TF: variants seen among roughly 807,000 people sequenced by gnomAD.
The protein encoded by TF is serotransferrin.
TF carries 55 observed loss-of-function variants against 82.4 expected under a neutral mutation model. The observed-to-expected ratio is 0.67, with a 90% confidence interval of 0.54 to 0.84. The LOEUF (loss-of-function observed/expected upper bound fraction) is 0.84. Ranked by LOEUF, TF falls within the 40% of genes least tolerant of loss-of-function variation. The pLI is 0.00. For synonymous variants in TF, 332 were observed against 332.6 expected, an observed-to-expected ratio of 1.00 and a Z score of 0.02; for missense variants, 737 against 868.4, an observed-to-expected ratio of 0.85 and a Z score of 1.90.
In TF at chr3:133,754,414, C is replaced by A. The variant is rs41298983; in HGVS notation, c.326-81C>A. On this transcript the variant is annotated intron_variant, in intron 3 of 16. Transcript: ENST00000402696. ...AAAGCATGGCCTCTCCGCTCCCCTC[C>A]CTCCTCAAGAGTCCGGTGGTGATGA... The A allele has an allele frequency of 3.5e-3, 5,135 of 1,452,372 alleles. 271 individuals carry two copies. In the Admixed American group the frequency reaches 0.082, roughly 23 times the overall value. 90.0% of individuals were successfully genotyped at this position (1,452,372 alleles called of 1,614,324 possible). A position where few individuals can be genotyped will look rare whatever the true frequency, so the allele number is the denominator to read the frequency against.
chr3:133,719,045 C>T, the TF span, among the ~76,000 whole-genome samples: 3 of 152,140 alleles, frequency 2.0e-5, no homozygotes, highest in East Asian at 5.8e-4. Flanking sequence ...ACCTAAGTGT[C>T]ATAACACTGA....
At chr3:133,775,093 A>AT (rs1934353159) in intron 14 of TF, 1 of 378,724 alleles carries the variant, frequency 2.6e-6, no homozygotes, top group African/African-American at 2.1e-5. Context: ...AGAGCGTCAC[A>AT]TTCTTCCTCT....
chr3:133,739,854 G>A, the TF span, among the ~76,000 whole-genome samples: 1 of 152,208 alleles, frequency 6.6e-6, no homozygotes, highest in East Asian at 1.9e-4. Context: ...AGAGGATGTG[G>A]AGAAATAGGA....
the TF span, among the ~76,000 whole-genome samples, chr3:133,734,807 A>G: frequency 6.6e-5 from 10 of 152,002 alleles, no homozygotes; most frequent in Admixed American, 1.3e-4. Context: ...GTTTCTTAAA[A>G]AAAAAAAAAA....
rs1055574395 is a variant in TF, at chr3:133,775,653, T to C, written c.1872+36T>C. ...GCCAGGTCCTCCCACCTTTTCTTCC[T>C]AGATGGCCATAGGCTATTCGGGGGG... On this transcript the variant is annotated intron_variant, in intron 15 of 16. Coordinates refer to ENST00000402696, the MANE Select transcript of TF (RefSeq NM_001063.4). 4 of 1,606,900 alleles carry C rather than the reference T, an allele frequency of 2.5e-6. No individual in the cohort carries two copies. The African/African-American group carries it at 4.0e-5, about 16-fold the overall frequency.
chr3:133,756,305 A>C lies in TF; in HGVS notation c.659A>C (p.Asp220Ala), dbSNP rs759490486. 5 of 1,613,920 alleles carry C rather than the reference A, an allele frequency of 3.1e-6. No individual in the cohort carries two copies. Among genetic ancestry groups the C allele is most frequent in the Non-Finnish European group, 3.4e-6 (4 of 1,180,032 alleles). The change falls in exon 6 of 17, where the codon GAT (aspartate) becomes GCT (alanine). Residue 220 changes from aspartate (D) to alanine (A), a missense_variant. Physicochemically the swap from Asp to Ala is moderately radical, Grantham distance 126. Coordinates refer to ENST00000402696, the MANE Select transcript of TF (RefSeq NM_001063.4). ...AFKCLKDGAG[D>A]VAFVKHSTIF... is the part of the protein sequence containing the mutation. Reference sequence around the variant, plus strand: ...AGGTGTCTGAAGGATGGTGCTGGGGATGTGGCCTTTGTCAAGCACTCGACT... The same window carrying C: ...AGGTGTCTGAAGGATGGTGCTGGGGCTGTGGCCTTTGTCAAGCACTCGACT...
chr3:133,751,727 C>T (rs1436247461), intron 2 of TF, among the ~76,000 whole-genome samples: 6 of 152,106 alleles, frequency 3.9e-5, no homozygotes, highest in Non-Finnish European at 8.8e-5. Flanking sequence ...TGCGGTGGCT[C>T]ACGCCTGTAA....
intron 2 of TF, among the ~76,000 whole-genome samples, chr3:133,752,644 CACAAAGTCAAAAAGGA>C (rs2107911809): frequency 6.6e-6 from 1 of 152,110 alleles, no homozygotes; most frequent in East Asian, 1.9e-4. Context: ...CTTACAGAAG[CACAAAGTCAAAAAGGA>C]ACATAACCTG....
intron 5 of TF, chr3:133,755,949 C>T (rs1933815321): frequency 2.2e-6 from 1 of 465,092 alleles, no homozygotes; most frequent in Non-Finnish European, 3.9e-6. Flanking sequence ...TTGATTATAT[C>T]CTAAAGTTTT....
At chr3:133,693,670 C>A in the TF span, among the ~76,000 whole-genome samples, 2 of 152,176 alleles carry the variant, frequency 1.3e-5, no homozygotes, top group African/African-American at 2.4e-5. Context: ...CCTCCTACCC[C>A]CTCCTCGACA....
At chr3:133,756,418 A>C in intron 6 of TF, 81 bp downstream of exon 6, 2 of 1,418,514 alleles carry the variant, frequency 1.4e-6, no homozygotes, top group Non-Finnish European at 2.0e-6. Context: ...CATGCTCAGT[A>C]ATTGGAAATG....
At chr3:133,690,706 C>G in the TF span, among the ~76,000 whole-genome samples, 1 of 152,102 alleles carries the variant, frequency 6.6e-6, no homozygotes, top group Non-Finnish European at 1.5e-5. Flanking sequence ...AGACTGTTGT[C>G]TTTTTGCATC....
chr3:133,718,934 A>G, the TF span, among the ~76,000 whole-genome samples: 90,062 of 151,936 alleles, frequency 0.59, 27,215 homozygotes, highest in East Asian at 0.76. Flanking sequence ...GTGGAGCTTA[A>G]GAAATGTGAA....
the TF span, among the ~76,000 whole-genome samples, chr3:133,680,497 A>G: frequency 6.6e-6 from 1 of 151,458 alleles, no homozygotes; most frequent in African/African-American, 2.4e-5. Flanking sequence ...ACAGTATGGC[A>G]TCCAGCTACT....
At chr3:133,686,079 C>G in the TF span, among the ~76,000 whole-genome samples, 2 of 152,052 alleles carry the variant, frequency 1.3e-5, no homozygotes, top group Non-Finnish European at 2.9e-5. Flanking sequence ...ACAAACCTGA[C>G]AAAAACAAGA....
the TF span, among the ~76,000 whole-genome samples, chr3:133,733,351 C>G: frequency 2.0e-5 from 3 of 152,196 alleles, no homozygotes; most frequent in Non-Finnish European, 4.4e-5. Context: ...CGTGTGTCCC[C>G]ATCCCTGACT....
chr3:133,717,832 T>A, the TF span, among the ~76,000 whole-genome samples: 1 of 152,146 alleles, frequency 6.6e-6, no homozygotes, highest in Non-Finnish European at 1.5e-5. Context: ...TATAATGATG[T>A]AATAATGGTT....
chr3:133,733,981 G>T, the TF span, among the ~76,000 whole-genome samples: 3 of 152,188 alleles, frequency 2.0e-5, no homozygotes, highest in East Asian at 1.9e-4. Flanking sequence ...TCAGGAGGTT[G>T]TTTATGTACA....
chr3:133,750,710 G>C (rs1176983501), intron 2 of TF, among the ~76,000 whole-genome samples: 1 of 152,050 alleles, frequency 6.6e-6, no homozygotes, highest in East Asian at 1.9e-4. Context: ...GAAAGACCAG[G>C]TTCCTGACCA....
Sources: gnomAD v4.1 joint callset for allele counts (sites outside exome capture counted in the v4.1 genomes callset) on GRCh38, gnomAD v4.1.1 for gene constraint, MANE v1.5 for transcripts, NCBI Gene and HGNC (gene_info 2026-07-23, HGNC 2026-07-21) for gene names.